The following AVEN variants were observed in gnomAD, a reference collection of about 807,000 sequenced individuals.
AVEN encodes cell death regulator Aven.
AVEN carries 41 observed loss-of-function variants against 38.1 expected under a neutral mutation model. The observed-to-expected ratio is 1.08, with a 90% CI of 0.84 to 1.40. The LOEUF (loss-of-function observed/expected upper bound fraction) is 1.40, where lower values mean the gene tolerates loss of function less well. Ranked by LOEUF, AVEN falls within the 40% of genes most tolerant of loss-of-function variation. AVEN has a pLI of 0.00. For missense variants in AVEN, 605 were observed against 438.8 expected, an observed-to-expected ratio of 1.38 and a Z score of -3.38; for synonymous variants, 206 against 171.8, an observed-to-expected ratio of 1.20 and a Z score of -1.56.
chr15:33,899,998 T>C (rs569944778), intron 2 of AVEN, among the ~76,000 whole-genome samples: 1 of 151,722 alleles, frequency 6.6e-6, no homozygotes, highest in South Asian at 2.1e-4. Flanking sequence ...GAACAGAGAA[T>C]CTAACTTACA....
At chr15:33,919,814 A>G (rs1893320882) in intron 2 of AVEN, among the ~76,000 whole-genome samples, 1 of 152,212 alleles carries the variant, frequency 6.6e-6, no homozygotes, top group African/African-American at 2.4e-5. Context: ...AGTACAAAAA[A>G]ATTTGAACCA....
intron 1 of AVEN, among the ~76,000 whole-genome samples, chr15:34,017,775 T>C (rs762356417): frequency 7.5e-4 from 114 of 152,278 alleles, no homozygotes; most frequent in South Asian, 1.9e-3. Flanking sequence ...CCACTGAGCC[T>C]GGCCAGTAAG....
At chr15:34,065,054 C>G (rs988370770) in intron 4 of AVEN, 1 of 166,908 alleles carries the variant, frequency 6.0e-6, no homozygotes, top group Non-Finnish European at 1.5e-5. Context: ...TTCAAGGGGC[C>G]TCTTTTCTAC....
At chr15:33,942,525 A>G (rs1398205366) in intron 2 of AVEN, among the ~76,000 whole-genome samples, 1 of 151,672 alleles carries the variant, frequency 6.6e-6, no homozygotes, top group Non-Finnish European at 1.5e-5. Flanking sequence ...ATCTCTGCTC[A>G]CTGCAAGCTC....
chr15:33,981,190 G>A (rs1005156955), intron 2 of AVEN, among the ~76,000 whole-genome samples: 1 of 152,096 alleles, frequency 6.6e-6, no homozygotes, highest in Non-Finnish European at 1.5e-5. Context: ...TATTAACAGC[G>A]ATGCCTTATC....
At chr15:33,920,355 C>A (rs1410698649) in intron 2 of AVEN, among the ~76,000 whole-genome samples, 1 of 152,186 alleles carries the variant, frequency 6.6e-6, no homozygotes, top group Non-Finnish European at 1.5e-5. Context: ...ATCTCCCCAA[C>A]CCCTAGCAAC....
intron 1 of AVEN, among the ~76,000 whole-genome samples, chr15:34,014,289 A>C (rs1897769915): frequency 6.8e-6 from 1 of 147,588 alleles, no homozygotes; most frequent in African/African-American, 2.5e-5. Flanking sequence ...GCTTGAACCC[A>C]GGAGGCAGAG....
chr15:33,917,962 G>A (rs1862916), intron 2 of AVEN, among the ~76,000 whole-genome samples: 101,739 of 151,986 alleles, frequency 0.67, 34,176 homozygotes, highest in Middle Eastern at 0.74. Flanking sequence ...TATTGAAATA[G>A]AAAAGAAAAA....
intron 2 of AVEN, among the ~76,000 whole-genome samples, chr15:33,922,653 G>A (rs1597234890): frequency 1.3e-5 from 2 of 152,026 alleles, no homozygotes; most frequent in South Asian, 4.2e-4. Context: ...GGCTGGTCTG[G>A]ACTCCTGGCT....
At chr15:34,030,858 T>C (rs1269803031) in intron 1 of AVEN, among the ~76,000 whole-genome samples, 2 of 151,894 alleles carry the variant, frequency 1.3e-5, no homozygotes, top group African/African-American at 4.8e-5. Context: ...CCTTAAGCAG[T>C]CCTTCCACCT....
intron 2 of AVEN, among the ~76,000 whole-genome samples, chr15:33,928,211 C>T (rs1893703350): frequency 6.6e-6 from 1 of 152,158 alleles, no homozygotes; most frequent in Non-Finnish European, 1.5e-5. Context: ...TCATAATGAG[C>T]CACTACAACA....
chr15:34,030,936 C>T (rs1898758947), intron 1 of AVEN, among the ~76,000 whole-genome samples: 1 of 151,974 alleles, frequency 6.6e-6, no homozygotes, highest in East Asian at 1.9e-4. Flanking sequence ...TTTTAATTTT[C>T]CCCAAATGTA....
chr15:33,965,460 TC>T (rs1405080988), intron 2 of AVEN, among the ~76,000 whole-genome samples: 1 of 152,184 alleles, frequency 6.6e-6, no homozygotes, highest in African/African-American at 2.4e-5. Flanking sequence ...AGACTTTTTT[TC>T]TTTATAAAAG....
chr15:34,002,820 T>C (rs1272678940), intron 2 of AVEN, among the ~76,000 whole-genome samples: 1 of 152,230 alleles, frequency 6.6e-6, no homozygotes, highest in Admixed American at 6.5e-5. Context: ...AAGACTTTAG[T>C]CATTCTACAT....
chr15:33,896,027 C>T (rs539167044), intron 2 of AVEN, among the ~76,000 whole-genome samples: 14 of 152,212 alleles, frequency 9.2e-5, no homozygotes, highest in South Asian at 8.3e-4. Context: ...GAATAATTAA[C>T]GCCACACGAA....
Position 33,870,918 on chromosome 15 carries a change from G to A in AVEN, c.612+17C>T, listed in dbSNP as rs1223934992. 6.3e-7 allele frequency: 1 copy of A among 1,599,714 alleles called. No individual in the cohort carries two copies. Among genetic ancestry groups the A allele is most frequent in the East Asian group, 2.2e-5 (1 of 44,712 alleles). The stretch of plus-strand genomic sequence containing the variant: ...TGCCCTAATCCACCCGCTTCAAGAG[G>A]GCTTCGGGATTTTTACCTGGACCAG... On this transcript the variant is annotated intron_variant, in intron 4 of 5. Coordinates refer to ENST00000306730, the MANE Select transcript of AVEN (RefSeq NM_020371.3).
At chr15:33,937,087 C>T (rs1425689569) in intron 2 of AVEN, among the ~76,000 whole-genome samples, 16 of 141,556 alleles carry the variant, frequency 1.1e-4, no homozygotes, top group Admixed American at 1.4e-4. Context: ...GCCGAGATCG[C>T]GCCACTGCCC....
intron 2 of AVEN, among the ~76,000 whole-genome samples, chr15:33,957,605 A>G (rs1895005639): frequency 6.6e-6 from 1 of 152,180 alleles, no homozygotes; most frequent in South Asian, 2.1e-4. Context: ...ATGTCTGTCA[A>G]CAGGAGAAAT....
chr15:33,872,848 T>C (rs568653764), intron 3 of AVEN, among the ~76,000 whole-genome samples: 2 of 152,188 alleles, frequency 1.3e-5, no homozygotes, highest in East Asian at 3.9e-4. Flanking sequence ...GAATCCCACT[T>C]GTGGATCTAA....
Sources: gnomAD v4.1 joint callset for allele counts (sites outside exome capture counted in the v4.1 genomes callset) on GRCh38, gnomAD v4.1.1 for gene constraint, MANE v1.5 for transcripts, NCBI Gene and HGNC (gene_info 2026-07-23, HGNC 2026-07-21) for gene names.